Variants in DNAH14 observed in about 807,000 individuals in gnomAD.
DNAH14 encodes dynein axonemal heavy chain 14.
Under a neutral mutation model 520.9 loss-of-function variants are expected in DNAH14, and 478 were observed. That is an observed-to-expected ratio of 0.92 (90% CI 0.85 to 0.99). The LOEUF (loss-of-function observed/expected upper bound fraction) is 0.99. Among genes scored for constraint, DNAH14 ranks in the 50% least tolerant of loss-of-function variants. The pLI is 0.00. For synonymous variants in DNAH14, 1,581 were observed against 1,757.2 expected (o/e 0.90, Z 2.51); for missense variants, 4,831 against 5,234.5 (o/e 0.92, Z 2.38).
At chr1:225,246,622 GA>G (rs1229251945) in intron 43 of DNAH14, among the ~76,000 whole-genome samples, 1 of 152,056 alleles carries the variant, frequency 6.6e-6, no homozygotes, top group African/African-American at 2.4e-5. Context: ...ACAAACATAT[GA>G]AAAAAAGTTC....
chr1:225,303,181 T>C lies in DNAH14; in HGVS notation c.8657T>C (p.Phe2886Ser), dbSNP rs1428770060. ...QKRIYKNLHI[F>S]VIMSPEGPSF... is the part of the protein sequence containing the mutation. ...AGAATATATAAAAATCTTCATATTT[T>C]TGTGATCATGAGTCCTGAAGGACCT... The change falls in exon 57 of 86, where the codon TTT becomes TCT. Residue 2886 changes from phenylalanine to serine, a missense_variant. By Grantham distance (155) the Phe-to-Ser change is radical. Coordinates refer to ENST00000682510, the MANE Select transcript of DNAH14 (RefSeq NM_001367479.1). The C allele has an allele frequency of 3.3e-6, 5 of 1,496,210 alleles. No homozygotes were observed. The African/African-American group carries it at 7.1e-5, about 21-fold the overall frequency. The allele number at this position is 1,496,210 out of a possible 1,614,324, so 92.7% of individuals were successfully genotyped here. A position where few individuals can be genotyped will look rare whatever the true frequency, so the allele number is the denominator to read the frequency against.
At chr1:225,174,019 C>T (rs1195761624) in intron 36 of DNAH14, among the ~76,000 whole-genome samples, 2 of 152,022 alleles carry the variant, frequency 1.3e-5, no homozygotes, top group Non-Finnish European at 2.9e-5. Flanking sequence ...GGACAAAAAA[C>T]CAAACACCGC....
At chr1:225,207,244 A>G (rs777763183) in intron 41 of DNAH14, 24 bp downstream of exon 41, 4 of 1,485,164 alleles carry the variant, frequency 2.7e-6, no homozygotes, top group South Asian at 1.4e-5. Context: ...TCTAAGTCAT[A>G]TCAATGATAT....
At chr1:225,029,963 A>G (rs1330043386) in intron 11 of DNAH14, among the ~76,000 whole-genome samples, 2 of 151,950 alleles carry the variant, frequency 1.3e-5, no homozygotes, top group Non-Finnish European at 2.9e-5. Flanking sequence ...TACCAAGTGG[A>G]GAGTGTTTCA....
intron 8 of DNAH14, among the ~76,000 whole-genome samples, chr1:224,994,240 G>C (rs994543076): frequency 2.0e-5 from 3 of 151,896 alleles, no homozygotes; most frequent in African/African-American, 7.2e-5. Context: ...TGAATTTTCT[G>C]TCTGAATGAT....
chr1:225,269,746 C>T (rs1370271280), intron 49 of DNAH14, among the ~76,000 whole-genome samples: 1 of 152,120 alleles, frequency 6.6e-6, no homozygotes, highest in African/African-American at 2.4e-5. Context: ...CATCACTGGC[C>T]ATCAGAGAAA....
intron 11 of DNAH14, among the ~76,000 whole-genome samples, chr1:225,038,450 TG>T: frequency 6.6e-6 from 1 of 152,182 alleles, no homozygotes; most frequent in East Asian, 1.9e-4. Flanking sequence ...GCCATCCTAA[TG>T]GGTATGAGGT....
chr1:225,388,764 ATAAT>A (rs1043359629), intron 82 of DNAH14, among the ~76,000 whole-genome samples: 1 of 152,196 alleles, frequency 6.6e-6, no homozygotes, highest in Non-Finnish European at 1.5e-5. Context: ...GTGAAAGGAA[ATAAT>A]TAGTTACATG....
At chr1:225,292,038 GT>G (rs2093904390) in intron 55 of DNAH14, among the ~76,000 whole-genome samples, 1 of 152,048 alleles carries the variant, frequency 6.6e-6, no homozygotes, top group South Asian at 2.1e-4. Context: ...CTATTCTGTA[GT>G]TTGTCTTTTC....
chr1:225,139,567 G>A (rs553045653), intron 27 of DNAH14, among the ~76,000 whole-genome samples: 4 of 152,248 alleles, frequency 2.6e-5, no homozygotes, highest in East Asian at 1.9e-4. Context: ...TTAGATGTCC[G>A]CATGCATTGG....
intron 13 of DNAH14, 110 bp downstream of exon 13, chr1:225,043,224 G>T: frequency 8.6e-6 from 7 of 818,170 alleles, no homozygotes; most frequent in African/African-American, 2.0e-5. Flanking sequence ...GATGCCAGAA[G>T]TTTGAGACCA....
chr1:225,266,029 G>T (rs1394476802), intron 48 of DNAH14, among the ~76,000 whole-genome samples: 1 of 151,916 alleles, frequency 6.6e-6, no homozygotes, highest in African/African-American at 2.4e-5. Context: ...AATAAATACA[G>T]TCTAAAGGAG....
At chr1:225,269,622 C>A (rs929165152) in intron 49 of DNAH14, among the ~76,000 whole-genome samples, 4 of 151,782 alleles carry the variant, frequency 2.6e-5, no homozygotes, top group Non-Finnish European at 5.9e-5. Context: ...AGAACTCAAA[C>A]AAATTTACAA....
At chr1:225,053,272 G>A (rs1463357534) in intron 17 of DNAH14, among the ~76,000 whole-genome samples, 1 of 151,950 alleles carries the variant, frequency 6.6e-6, no homozygotes, top group African/African-American at 2.4e-5. Flanking sequence ...GGACAGCAAG[G>A]GAAAGGTCAA....
chr1:225,074,648 A>G (rs570198706), intron 17 of DNAH14, among the ~76,000 whole-genome samples: 19 of 152,110 alleles, frequency 1.2e-4, no homozygotes, highest in Non-Finnish European at 2.2e-4. Context: ...AGGTCTTGCC[A>G]AATGAGGAGG....
At chr1:225,382,898 C>T (rs563059464) in intron 81 of DNAH14, among the ~76,000 whole-genome samples, 1 of 152,294 alleles carries the variant, frequency 6.6e-6, no homozygotes, top group South Asian at 2.1e-4. Context: ...CAGGCTATCA[C>T]ATGGATAAAC....
Position 225,274,194 on chromosome 1 carries a change from GTTATTTTTT to G in DNAH14, c.8010+1072_8010+1080del, listed in dbSNP as rs1180947817. On this transcript the variant is annotated intron_variant, in intron 52 of 85. Coordinates refer to ENST00000682510, the MANE Select transcript of DNAH14 (RefSeq NM_001367479.1). Reference sequence around the variant, plus strand: ...TTTCTCTGCATCCTCACCAGCATCTGTTATTTTTTTTTTTTTTTTTTTTTTTTTGAGACG... The same window carrying G: ...TTTCTCTGCATCCTCACCAGCATCTGTTTTTTTTTTTTTTTTTTTGAGACG... Among the ~76,000 whole-genome samples, 142 of 120,322 alleles carry G rather than the reference GTTATTTTTT, an allele frequency of 1.2e-3. 6 individuals are homozygous for G. Among genetic ancestry groups the G allele is most frequent in the Middle Eastern group, 9.8e-3 (2 of 204 alleles). The allele number at this position is 120,322 out of a possible 152,430, so 78.9% of individuals were successfully genotyped here.
At position 225,153,732 on chromosome 1, in the gene DNAH14, T is replaced by C. The variant is rs1029144188; in HGVS notation, c.5197-18T>C. 2.0e-6 allele frequency: 3 copies of C among 1,493,450 alleles called. No individual in the cohort carries two copies. The African/African-American group carries it at 4.2e-5, about 21-fold the overall frequency. 92.5% of individuals were successfully genotyped at this position (1,493,450 alleles called of 1,614,324 possible). On this transcript the variant is annotated intron_variant, in intron 33 of 85. Coordinates refer to ENST00000682510, the MANE Select transcript of DNAH14 (RefSeq NM_001367479.1). The stretch of plus-strand genomic sequence containing the variant: ...TCTTTAGAAACTTTAATAATTCAAA[T>C]ATTTTAATGTTTGATAGGATCATTA...
At position 225,346,079 on chromosome 1, in the gene DNAH14, T is replaced by A. The variant is rs1162199348; in HGVS notation, c.10796T>A (p.Ile3599Lys). The change falls in exon 70 of 86, where the codon ATA (isoleucine) becomes AAA (lysine). Residue 3599 changes from isoleucine to lysine, a missense_variant. Ile to Lys is a moderately radical substitution (Grantham distance 102). Transcript: ENST00000682510. Reference sequence around the variant, plus strand: ...AAAGCTGAAAGTGAAATCCAAGCAATACGTAAAAACTATCTCCCCATTGCG... The same window carrying A: ...AAAGCTGAAAGTGAAATCCAAGCAAAACGTAAAAACTATCTCCCCATTGCG... ...TKKAESEIQA[I>K]RKNYLPIATR... 1.3e-6 allele frequency: 2 copies of A among 1,551,496 alleles called. No individual in the cohort carries two copies. The highest frequency in any genetic ancestry group is 1.7e-6 in the Non-Finnish European group (2 of 1,146,964).
Sources: allele counts gnomAD v4.1 joint callset (sites outside exome capture counted in the v4.1 genomes callset), GRCh38; gene constraint gnomAD v4.1.1; transcripts MANE v1.5; gene names NCBI Gene and HGNC (gene_info 2026-07-23, HGNC 2026-07-21).